GAP43: variants seen among roughly 807,000 people sequenced by gnomAD.
The protein encoded by GAP43 is growth associated protein 43.
In GAP43, 6 loss-of-function variants were observed where a neutral mutation model predicts 18.6. The ratio of observed to expected loss-of-function variants is 0.32; its 90% CI spans 0.18 to 0.64. The LOEUF is 0.64. Ranked by LOEUF, GAP43 falls within the 30% of genes least tolerant of loss-of-function variation. The probability of loss-of-function intolerance (pLI) is 0.78; values close to 1 mark genes in which losing one functional copy is unlikely to be tolerated. For synonymous variants in GAP43, 115 were observed against 111.4 expected (o/e 1.03, Z -0.20); for missense variants, 292 against 295.5 (o/e 0.99, Z 0.09).
chr3:115,681,295 A>G lies in GAP43; in HGVS notation c.628+4685A>G, dbSNP rs1708955082. Among the ~76,000 whole-genome samples, 3 of 152,248 alleles carry G rather than the reference A, an allele frequency of 2.0e-5. No homozygotes were observed. The South Asian group carries it at 6.2e-4, about 32-fold the overall frequency. On this transcript the variant is annotated intron_variant, in intron 2 of 2. Coordinates refer to ENST00000305124, the MANE Select transcript of GAP43 (RefSeq NM_002045.4). ...AAATGGATATTCTGGCCACAAATACAGCCAGTGACAAAATGAGGATCAAAC... is the reference window on the plus strand; with the variant it reads ...AAATGGATATTCTGGCCACAAATACGGCCAGTGACAAAATGAGGATCAAAC...
At chr3:115,629,976 C>T (rs1708242216) in intron 1 of GAP43, among the ~76,000 whole-genome samples, 1 of 152,090 alleles carries the variant, frequency 6.6e-6, no homozygotes, top group Admixed American at 6.6e-5. Flanking sequence ...CAAAATGAAC[C>T]CATTTATAGA....
At chr3:115,698,147 A>T (rs962547200) in intron 2 of GAP43, among the ~76,000 whole-genome samples, 239 of 9,626 alleles carry the variant, frequency 0.025, 6 homozygotes, top group African/African-American at 0.048. Flanking sequence ...TATAATATAT[A>T]TTATATATAA....
Position 115,666,464 on chromosome 3 carries a change from AC to A in GAP43, c.31-9548del. On this transcript the variant is annotated intron_variant, in intron 1 of 2. Coordinates refer to ENST00000305124, the MANE Select transcript of GAP43 (RefSeq NM_002045.4). ...TATCAACATGCCTTAACTTAATGTC[AC>A]GATGCTCTAGAAATTACTCTGAGAG... Among the ~76,000 whole-genome samples the A allele has an allele frequency of 2.0e-5, 3 of 152,270 alleles. No homozygotes were observed. The South Asian group carries it at 6.2e-4, about 32-fold the overall frequency.
In GAP43 at chr3:115,655,819, A is replaced by C. The variant is rs140248703; in HGVS notation, c.31-20194A>C. The stretch of plus-strand genomic sequence containing the variant: ...AAGTATAAACTATTTCTTTTAAGCT[A>C]TGCTTCTATAATTCCACACGAACTA... On this transcript the variant is annotated intron_variant, in intron 1 of 2. Transcript: ENST00000305124. 9.8e-5 allele frequency among the ~76,000 whole-genome samples: 15 copies of C among 152,352 alleles called. No homozygotes were observed. The East Asian group carries it at 2.7e-3, about 27-fold the overall frequency.
At chr3:115,694,906 A>T (rs779621168) in intron 2 of GAP43, among the ~76,000 whole-genome samples, 1 of 152,202 alleles carries the variant, frequency 6.6e-6, no homozygotes, top group Non-Finnish European at 1.5e-5. Context: ...CATACACAAC[A>T]TTAGAAGTAT....
chr3:115,690,601 A>T (rs1013599058), intron 2 of GAP43, among the ~76,000 whole-genome samples: 1 of 152,122 alleles, frequency 6.6e-6, no homozygotes, highest in African/African-American at 2.4e-5. Context: ...ATGAGGTAAC[A>T]TATTTAAAGA....
rs537784569 is a variant in GAP43, at chr3:115,700,542, A to C, written c.629-20252A>C. Among the ~76,000 whole-genome samples the C allele has an allele frequency of 6.6e-5, 10 of 151,998 alleles. No individual in the cohort carries two copies. The South Asian group carries it at 2.1e-3, about 32-fold the overall frequency. ...CTAGCTGTAACATGTAAATAAACCC[A>C]CCTTTGCTCAACTATATGTGTGTTC... On this transcript the variant is annotated intron_variant, in intron 2 of 2. Transcript: ENST00000305124.
chr3:115,697,915 G>A (rs777767237), intron 2 of GAP43, among the ~76,000 whole-genome samples: 13 of 146,974 alleles, frequency 8.8e-5, no homozygotes, highest in Non-Finnish European at 1.8e-4. Flanking sequence ...CAATGTGATT[G>A]GAACGTTTTC....
intron 1 of GAP43, among the ~76,000 whole-genome samples, chr3:115,657,894 C>T (rs1708608191): frequency 1.3e-5 from 2 of 152,146 alleles, no homozygotes; most frequent in Admixed American, 6.5e-5. Context: ...TGGTATTAAT[C>T]TGATTAACCA....
chr3:115,699,370 T>A (rs529413793), intron 2 of GAP43, among the ~76,000 whole-genome samples: 1 of 152,168 alleles, frequency 6.6e-6, no homozygotes, highest in East Asian at 1.9e-4. Context: ...TCCTTCCTCT[T>A]CCCCCACCAC....
chr3:115,718,581 T>TA (rs925997001), intron 2 of GAP43, among the ~76,000 whole-genome samples: 2 of 152,124 alleles, frequency 1.3e-5, no homozygotes, highest in East Asian at 1.9e-4. Context: ...GCTATAGCCT[T>TA]AAAAAAATCT....
intron 2 of GAP43, among the ~76,000 whole-genome samples, chr3:115,711,658 G>C (rs77360712): frequency 6.6e-6 from 1 of 152,070 alleles, no homozygotes; most frequent in Non-Finnish European, 1.5e-5. Context: ...GGAACCATCA[G>C]TGTTTATCTT....
intron 2 of GAP43, among the ~76,000 whole-genome samples, chr3:115,684,962 A>G (rs1709014798): frequency 6.6e-6 from 1 of 152,252 alleles, no homozygotes; most frequent in African/African-American, 2.4e-5. Context: ...GATTCAGGTC[A>G]TAATTCTGCA....
intron 2 of GAP43, among the ~76,000 whole-genome samples, chr3:115,713,756 G>T (rs1240107149): frequency 6.6e-6 from 1 of 152,180 alleles, no homozygotes; most frequent in Non-Finnish European, 1.5e-5. Flanking sequence ...AATCCTTTAA[G>T]GCTACCATTA....
chr3:115,672,183 G>A (rs1420344499), intron 1 of GAP43, among the ~76,000 whole-genome samples: 7 of 152,160 alleles, frequency 4.6e-5, no homozygotes, highest in Admixed American at 4.6e-4. Context: ...ATACAAGCTG[G>A]GCCACTGCCT....
rs1194220942 is a variant in GAP43 at position 115,696,205 on chromosome 3, A to G, written c.628+19595A>G. On this transcript the variant is annotated intron_variant, in intron 2 of 2. Coordinates refer to ENST00000305124, the MANE Select transcript of GAP43 (RefSeq NM_002045.4). ...TAGATACCTCAAATTAAATCTCTTG[A>G]AAACCAAACTTCTGTCTTTTTTTTC... Among the ~76,000 whole-genome samples, 4 of 152,112 alleles carry G rather than the reference A, an allele frequency of 2.6e-5. No individual in the cohort carries two copies. The East Asian group carries it at 7.7e-4, about 29-fold the overall frequency.
At chr3:115,675,371 G>A (rs1163341703) in intron 1 of GAP43, among the ~76,000 whole-genome samples, 1 of 152,136 alleles carries the variant, frequency 6.6e-6, no homozygotes, top group East Asian at 1.9e-4. Context: ...CACCCAGCTT[G>A]TAAATGTGAT....
intron 2 of GAP43, among the ~76,000 whole-genome samples, chr3:115,680,201 T>G (rs578225565): frequency 1.3e-5 from 2 of 152,304 alleles, no homozygotes; most frequent in Admixed American, 1.3e-4. Flanking sequence ...GGCTCATGCC[T>G]GTAATCCCAG....
At chr3:115,660,354 CTTCTTAGA>C (rs1380339116) in intron 1 of GAP43, among the ~76,000 whole-genome samples, 2 of 152,176 alleles carry the variant, frequency 1.3e-5, no homozygotes, top group African/African-American at 2.4e-5. Flanking sequence ...TCACAGATAA[CTTCTTAGA>C]TGTTTCTTTT....
Sources: gnomAD v4.1 joint callset for allele counts (sites outside exome capture counted in the v4.1 genomes callset) on GRCh38, gnomAD v4.1.1 for gene constraint, MANE v1.5 for transcripts, NCBI Gene and HGNC (gene_info 2026-07-23, HGNC 2026-07-21) for gene names.